OCA2: variants seen among roughly 807,000 people sequenced by gnomAD.
OCA2 encodes P protein.
A neutral mutation model predicts 100.2 loss-of-function variants in OCA2; 77 were observed. The observed-to-expected ratio is 0.77, with a 90% CI of 0.64 to 0.93. The LOEUF (loss-of-function observed/expected upper bound fraction) is 0.93, where lower values mean the gene tolerates loss of function less well. Ranked by LOEUF, OCA2 falls within the 40% of genes least tolerant of loss-of-function variation. OCA2 has a pLI of 0.00. For missense variants in OCA2, 1,062 were observed against 1,089.1 expected (o/e 0.98, Z 0.35); for synonymous variants, 432 against 439.2 (o/e 0.98, Z 0.21).
chr15:27,977,250 T>C (rs1370031936), intron 14 of OCA2, among the ~76,000 whole-genome samples: 3 of 152,170 alleles, frequency 2.0e-5, no homozygotes, highest in Admixed American at 1.3e-4. Flanking sequence ...TTCTAGTCTG[T>C]ATATATTTTT....
At chr15:28,055,115 G>A (rs139243813) in intron 2 of OCA2, among the ~76,000 whole-genome samples, 109 of 152,290 alleles carry the variant, frequency 7.2e-4, no homozygotes, top group African/African-American at 2.5e-3. Context: ...CCAAATGCGT[G>A]TCCACTTTCG....
At chr15:28,088,726 G>A (rs1014969676) in intron 1 of OCA2, among the ~76,000 whole-genome samples, 2 of 152,218 alleles carry the variant, frequency 1.3e-5, no homozygotes, top group African/African-American at 4.8e-5. Context: ...TGAATAGGGT[G>A]TGGGTCACAG....
chr15:27,893,872 G>A (rs887792941), intron 19 of OCA2, among the ~76,000 whole-genome samples: 1 of 152,112 alleles, frequency 6.6e-6, no homozygotes, highest in African/African-American at 2.4e-5. Context: ...CAGTGGTTCT[G>A]CTTTTGCCCT....
At chr15:27,878,123 AG>A (rs1224237449) in intron 19 of OCA2, among the ~76,000 whole-genome samples, 1 of 152,030 alleles carries the variant, frequency 6.6e-6, no homozygotes, top group African/African-American at 2.4e-5. Flanking sequence ...GAAATGATAT[AG>A]GTCACTTTAC....
At chr15:28,045,193 T>C (rs1340575620) in intron 2 of OCA2, among the ~76,000 whole-genome samples, 2 of 152,228 alleles carry the variant, frequency 1.3e-5, no homozygotes, top group Non-Finnish European at 2.9e-5. Context: ...TTATAACTCT[T>C]TTTTATTCTA....
At chr15:27,832,340 G>A (rs2034994635) in intron 23 of OCA2, among the ~76,000 whole-genome samples, 1 of 152,242 alleles carries the variant, frequency 6.6e-6, no homozygotes, top group Admixed American at 6.5e-5. Context: ...CTGCAGGGAA[G>A]AATGGGCTTT....
intron 8 of OCA2, among the ~76,000 whole-genome samples, chr15:28,015,640 C>T (rs764251793): frequency 6.6e-6 from 1 of 152,100 alleles, no homozygotes; most frequent in East Asian, 1.9e-4. Flanking sequence ...CTGACCCTGT[C>T]GACACCTTGA....
At chr15:27,776,976 G>GT (rs1215132161) in intron 23 of OCA2, among the ~76,000 whole-genome samples, 2 of 141,568 alleles carry the variant, frequency 1.4e-5, no homozygotes, top group African/African-American at 5.6e-5. Flanking sequence ...GCGTGAGGTG[G>GT]GGGGGGGTGG....
At chr15:27,727,171 G>A in the OCA2 span, among the ~76,000 whole-genome samples, 7 of 152,192 alleles carry the variant, frequency 4.6e-5, no homozygotes, top group African/African-American at 7.2e-5. Flanking sequence ...ACACCTCTCC[G>A]CTCTGCAAAG....
chr15:27,957,414 T>G lies in OCA2; in HGVS notation c.1784+174A>C, dbSNP rs2040259336. On this transcript the variant is annotated intron_variant, in intron 16 of 23. Coordinates refer to ENST00000354638, the MANE Select transcript of OCA2 (RefSeq NM_000275.3). The surrounding 1 kb of genome is among the most constrained non-coding windows in gnomAD (Gnocchi z 4.3). ...TTTCTTTGGTCCTTAAACTCGGCTG[T>G]GTACCCCCTGCAGAGCTCAGTGAGG... is the stretch of plus-strand genomic sequence containing the variant. 6.6e-6 allele frequency among the ~76,000 whole-genome samples: 1 copy of G among 152,164 alleles called. No homozygotes were observed. Among genetic ancestry groups the G allele is most frequent in the Non-Finnish European group, 1.5e-5 (1 of 68,046 alleles).
At chr15:27,938,046 A>C (rs2039519084) in intron 18 of OCA2, among the ~76,000 whole-genome samples, 1 of 152,254 alleles carries the variant, frequency 6.6e-6, no homozygotes, top group East Asian at 1.9e-4. Flanking sequence ...ATGCATGAAT[A>C]GACTGTAAGG....
chr15:28,037,589 A>G (rs1206198092), intron 2 of OCA2, among the ~76,000 whole-genome samples: 1 of 152,184 alleles, frequency 6.6e-6, no homozygotes, highest in East Asian at 1.9e-4. Flanking sequence ...TATTACCAGG[A>G]TTTTAGTTGA....
rs550338490 is a variant in OCA2, at chr15:27,922,997, T to G, written c.2079+3130A>C. On this transcript the variant is annotated intron_variant, in intron 19 of 23. Coordinates refer to ENST00000354638, the MANE Select transcript of OCA2 (RefSeq NM_000275.3). ...ATCCTCCAGTAGGCCCCAGTGTGTG[T>G]TGTTCCCCTCTTTGTGTCCATGTGT... Among the ~76,000 whole-genome samples, 26 of 152,238 alleles carry G rather than the reference T, an allele frequency of 1.7e-4. No homozygotes were observed. In the South Asian group the frequency reaches 4.6e-3, roughly 27 times the overall value.
the OCA2 span, among the ~76,000 whole-genome samples, chr15:27,728,299 G>GT: frequency 6.6e-6 from 1 of 152,030 alleles, no homozygotes; most frequent in African/African-American, 2.4e-5. Context: ...GTCTCAAGCA[G>GT]TTTTGAAATC....
At chr15:27,769,629 CT>C (rs988836367) in intron 23 of OCA2, among the ~76,000 whole-genome samples, 1 of 151,332 alleles carries the variant, frequency 6.6e-6, no homozygotes, top group African/African-American at 2.5e-5. Context: ...CCTGTTCCCC[CT>C]AAAACCTATT....
At position 27,832,276 on chromosome 15, in the gene OCA2, C is replaced by T. The variant is rs528968861; in HGVS notation, c.2432+12683G>A. The stretch of plus-strand genomic sequence containing the variant: ...GCACACACTGGCCCCAAGCCTCAGG[C>T]TCTAACCTGGCCTCCCCGGGGCCAC... On this transcript the variant is annotated intron_variant, in intron 23 of 23. Coordinates refer to ENST00000354638, the MANE Select transcript of OCA2 (RefSeq NM_000275.3). 2.0e-5 allele frequency among the ~76,000 whole-genome samples: 3 copies of T among 152,336 alleles called. No homozygotes were observed. The South Asian group carries it at 6.2e-4, about 32-fold the overall frequency.
chr15:27,920,266 G>A (rs1185232425), intron 19 of OCA2, among the ~76,000 whole-genome samples: 1 of 151,734 alleles, frequency 6.6e-6, no homozygotes, highest in Non-Finnish European at 1.5e-5. Flanking sequence ...GGAAAAAGAT[G>A]GAAAAAGGTA....
intron 21 of OCA2, among the ~76,000 whole-genome samples, chr15:27,860,011 A>C (rs534842118): frequency 6.6e-6 from 1 of 152,378 alleles, no homozygotes; most frequent in East Asian, 1.9e-4. Context: ...CTGATTTAGC[A>C]CTTTAAACTG....
chr15:27,806,387 T>C (rs1487816584), intron 23 of OCA2, among the ~76,000 whole-genome samples: 2 of 152,232 alleles, frequency 1.3e-5, no homozygotes, highest in Non-Finnish European at 2.9e-5. Context: ...AAACTGGCCT[T>C]CCTACCGGAA....
Sources: gnomAD v4.1 joint callset for allele counts (sites outside exome capture counted in the v4.1 genomes callset) on GRCh38, gnomAD v4.1.1 for gene constraint, Gnocchi (gnomAD v3.1) non-coding constraint, MANE v1.5 for transcripts, NCBI Gene and HGNC (gene_info 2026-07-23, HGNC 2026-07-21) for gene names.